The following SORCS3 variants were observed in gnomAD, a reference collection of about 807,000 sequenced individuals.
The protein encoded by SORCS3 is sortilin related VPS10 domain containing receptor 3.
Under a neutral mutation model 146.3 loss-of-function variants are expected in SORCS3, and 57 were observed. The ratio of observed to expected loss-of-function variants is 0.39; its 90% CI spans 0.31 to 0.49. The LOEUF is 0.49. Ranked by LOEUF, SORCS3 falls within the 20% of genes least tolerant of loss-of-function variation. SORCS3 has a pLI of 0.92. For missense variants in SORCS3, 1,341 were observed against 1,575.5 expected (o/e 0.85, Z 2.52); for synonymous variants, 653 against 618.5 (o/e 1.06, Z -0.83).
chr10:104,645,352 AAAG>A (rs1480945694), intron 1 of SORCS3, among the ~76,000 whole-genome samples: 2 of 152,216 alleles, frequency 1.3e-5, no homozygotes, highest in Non-Finnish European at 2.9e-5. Context: ...CCTTCAAATG[AAAG>A]AAGAAGCCTC....
At chr10:104,939,400 A>T (rs1233373069) in intron 3 of SORCS3, among the ~76,000 whole-genome samples, 3 of 152,174 alleles carry the variant, frequency 2.0e-5, no homozygotes, top group African/African-American at 7.2e-5. Flanking sequence ...ATTCATTTCA[A>T]CTAAGCTGAA....
intron 2 of SORCS3, among the ~76,000 whole-genome samples, chr10:104,848,432 A>C (rs1179734243): frequency 6.6e-6 from 1 of 152,118 alleles, no homozygotes; most frequent in Non-Finnish European, 1.5e-5. Context: ...TTAGTTTACA[A>C]ATTTTAATGA....
At chr10:104,914,420 G>A (rs2019003906) in intron 2 of SORCS3, among the ~76,000 whole-genome samples, 1 of 152,122 alleles carries the variant, frequency 6.6e-6, no homozygotes, top group Non-Finnish European at 1.5e-5. Flanking sequence ...TACAGAGGAG[G>A]TGCAGGTGGG....
At chr10:104,727,309 C>T (rs1194840868) in intron 1 of SORCS3, among the ~76,000 whole-genome samples, 1 of 152,036 alleles carries the variant, frequency 6.6e-6, no homozygotes, top group Non-Finnish European at 1.5e-5. Flanking sequence ...ATTCATTGTA[C>T]TTTTGTGGAA....
intron 1 of SORCS3, among the ~76,000 whole-genome samples, chr10:104,713,300 A>G (rs2016440163): frequency 6.6e-6 from 1 of 152,218 alleles, no homozygotes; most frequent in Non-Finnish European, 1.5e-5. Flanking sequence ...GTAACAAAGA[A>G]GAAGTCCCAA....
At chr10:104,796,427 GAT>G (rs2017556502) in intron 1 of SORCS3, among the ~76,000 whole-genome samples, 2 of 148,308 alleles carry the variant, frequency 1.3e-5, no homozygotes, top group South Asian at 4.3e-4. Flanking sequence ...TTCCTAAGTT[GAT>G]AATCTCCATT....
intron 1 of SORCS3, among the ~76,000 whole-genome samples, chr10:104,702,791 T>C (rs1049013568): frequency 1.3e-5 from 2 of 152,184 alleles, no homozygotes; most frequent in African/African-American, 4.8e-5. Flanking sequence ...AATAGAGTGC[T>C]AGACTGGGTG....
At chr10:105,189,475 A>G (rs2056499673) in intron 14 of SORCS3, among the ~76,000 whole-genome samples, 1 of 152,202 alleles carries the variant, frequency 6.6e-6, no homozygotes, top group South Asian at 2.1e-4. Context: ...GAAAATGCAG[A>G]GCACCCTTTA....
chr10:104,767,952 C>T (rs780454727), intron 1 of SORCS3, among the ~76,000 whole-genome samples: 25 of 151,994 alleles, frequency 1.6e-4, no homozygotes, highest in Non-Finnish European at 3.1e-4. Flanking sequence ...CATTGCTCAT[C>T]GTACTCCAGT....
At chr10:105,011,433 G>A (rs193297627) in intron 4 of SORCS3, among the ~76,000 whole-genome samples, 6 of 151,962 alleles carry the variant, frequency 3.9e-5, no homozygotes, top group South Asian at 4.2e-4. Context: ...CATTTCTTTC[G>A]TGTATCTGAC....
At chr10:104,655,217 C>A (rs944086561) in intron 1 of SORCS3, among the ~76,000 whole-genome samples, 1 of 148,236 alleles carries the variant, frequency 6.7e-6, no homozygotes, top group African/African-American at 2.5e-5. Flanking sequence ...CACATCACTG[C>A]ACTCCAGCTT....
chr10:105,018,628 G>T (rs913138632), intron 4 of SORCS3, among the ~76,000 whole-genome samples: 4 of 152,174 alleles, frequency 2.6e-5, no homozygotes, highest in Non-Finnish European at 5.9e-5. Flanking sequence ...ATGAGCTTAT[G>T]TTTTTCTTCT....
intron 20 of SORCS3, among the ~76,000 whole-genome samples, chr10:105,235,167 G>A (rs2056786170): frequency 6.6e-6 from 1 of 152,060 alleles, no homozygotes; most frequent in Admixed American, 6.6e-5. Context: ...GGCTGGTGTT[G>A]TGTATTTTAC....
intron 3 of SORCS3, among the ~76,000 whole-genome samples, chr10:104,958,723 A>G (rs2054771315): frequency 6.6e-6 from 1 of 152,158 alleles, no homozygotes; most frequent in African/African-American, 2.4e-5. Flanking sequence ...GTAATTTATA[A>G]ATTACTGAGT....
intron 13 of SORCS3, among the ~76,000 whole-genome samples, chr10:105,168,848 A>T (rs1235326002): frequency 1.3e-5 from 2 of 152,190 alleles, no homozygotes; most frequent in Non-Finnish European, 2.9e-5. Flanking sequence ...GAGATTGTGC[A>T]TATAAATGTT....
In SORCS3 at chr10:105,213,536, T is replaced by A. The variant is rs188978297; in HGVS notation, c.2376-906T>A. Among the ~76,000 whole-genome samples the A allele has an allele frequency of 2.3e-3, 346 of 152,186 alleles. 2 individuals are homozygous for A. The highest frequency in any genetic ancestry group is 7.8e-3 in the African/African-American group (324 of 41,540). On this transcript the variant is annotated intron_variant, in intron 17 of 26. Coordinates refer to ENST00000369701, the MANE Select transcript of SORCS3 (RefSeq NM_014978.3). ...TGGTGGTGTGTTTCTTTCATGTGGT[T>A]TTTTACCAGAACATTTGTTTTTTCA... is the stretch of plus-strand genomic sequence containing the variant.
At chr10:104,924,215 C>A (rs1050809216) in intron 3 of SORCS3, among the ~76,000 whole-genome samples, 2 of 152,166 alleles carry the variant, frequency 1.3e-5, no homozygotes, top group African/African-American at 2.4e-5. Flanking sequence ...ACAGAAGAGG[C>A]CACTCAGGGA....
chr10:104,828,138 C>T (rs1230140367), intron 1 of SORCS3, among the ~76,000 whole-genome samples: 2 of 152,124 alleles, frequency 1.3e-5, no homozygotes, highest in African/African-American at 2.4e-5. Context: ...AAGGACTTTT[C>T]CTTTGCATTC....
At chr10:104,965,604 T>A (rs1445095148) in intron 3 of SORCS3, among the ~76,000 whole-genome samples, 2 of 152,238 alleles carry the variant, frequency 1.3e-5, no homozygotes, top group African/African-American at 4.8e-5. Context: ...TTTTATTTTT[T>A]ATTTTTAAAC....
Sources: allele counts gnomAD v4.1 joint callset (sites outside exome capture counted in the v4.1 genomes callset), GRCh38; gene constraint gnomAD v4.1.1; transcripts MANE v1.5; gene names NCBI Gene and HGNC (gene_info 2026-07-23, HGNC 2026-07-21).